The following MDGA2 variants were observed in gnomAD, a reference collection of about 807,000 sequenced individuals.
The protein encoded by MDGA2 is MAM domain containing glycosylphosphatidylinositol anchor 2, also known as MAM domain-containing glycosylphosphatidylinositol anchor protein 2.
Under a neutral mutation model 117.8 loss-of-function variants are expected in MDGA2, and 40 were observed. The observed-to-expected ratio is 0.34, with a 90% confidence interval of 0.26 to 0.44. The LOEUF is 0.44. Among genes scored for constraint, MDGA2 ranks in the 20% least tolerant of loss-of-function variants. The pLI is 1.00. For synonymous variants in MDGA2, 452 were observed against 439.0 expected, an observed-to-expected ratio of 1.03 and a Z score of -0.37; for missense variants, 1,123 against 1,250.6, an observed-to-expected ratio of 0.90 and a Z score of 1.54.
At chr14:47,029,827 TTTTG>T (rs1440862234) in intron 8 of MDGA2, among the ~76,000 whole-genome samples, 2 of 152,000 alleles carry the variant, frequency 1.3e-5, no homozygotes, top group Admixed American at 1.3e-4. Flanking sequence ...CCTGTTTTGT[TTTTG>T]TTTTTCTTTT....
chr14:47,223,973 G>C (rs1203643084), intron 2 of MDGA2, among the ~76,000 whole-genome samples: 1 of 152,088 alleles, frequency 6.6e-6, no homozygotes, highest in Non-Finnish European at 1.5e-5. Flanking sequence ...AGAACAGCAT[G>C]GGGGTAACCA....
chr14:47,661,562 A>C (rs1897846188), intron 1 of MDGA2, among the ~76,000 whole-genome samples: 1 of 152,192 alleles, frequency 6.6e-6, no homozygotes, highest in Non-Finnish European at 1.5e-5. Flanking sequence ...AAAGAATAAA[A>C]TACAACTTAA....
intron 8 of MDGA2, among the ~76,000 whole-genome samples, chr14:46,974,185 C>T (rs1418901212): frequency 6.6e-6 from 1 of 152,024 alleles, no homozygotes; most frequent in African/African-American, 2.4e-5. Flanking sequence ...AATTAAAGGA[C>T]ATGTGCAATG....
At chr14:47,251,018 T>C (rs139600970) in intron 2 of MDGA2, among the ~76,000 whole-genome samples, 1 of 152,224 alleles carries the variant, frequency 6.6e-6, no homozygotes, top group Non-Finnish European at 1.5e-5. Context: ...CTGTGGTCTA[T>C]TTTTCTTACC....
At chr14:47,068,780 T>G (rs1890173575) in intron 6 of MDGA2, among the ~76,000 whole-genome samples, 1 of 152,150 alleles carries the variant, frequency 6.6e-6, no homozygotes, top group Admixed American at 6.5e-5. Context: ...CTTTTGAAAA[T>G]AGTACATCCT....
At chr14:46,873,388 A>T (rs1266916096) in intron 14 of MDGA2, 45 bp downstream of exon 14, 1 of 1,506,226 alleles carries the variant, frequency 6.6e-7, no homozygotes, top group South Asian at 1.4e-5. Flanking sequence ...TTTTCTTCTT[A>T]GTTATCATTA....
intron 13 of MDGA2, 58 bp from the exon 14 acceptor site, chr14:46,873,649 C>T: frequency 6.9e-7 from 1 of 1,454,194 alleles, no homozygotes; most frequent in Non-Finnish European, 9.4e-7. Flanking sequence ...AATGAAATTT[C>T]AAATCACTGA....
chr14:46,857,876 C>T (rs1333724745), intron 14 of MDGA2, among the ~76,000 whole-genome samples: 1 of 151,734 alleles, frequency 6.6e-6, no homozygotes, highest in African/African-American at 2.4e-5. Flanking sequence ...GGTAGATCTC[C>T]AACTGAGTTC....
chr14:47,363,821 A>G (rs1594817998), intron 1 of MDGA2, among the ~76,000 whole-genome samples: 1 of 152,134 alleles, frequency 6.6e-6, no homozygotes, highest in Non-Finnish European at 1.5e-5. Context: ...AGAAAGAGAA[A>G]GCCAAAATAG....
intron 8 of MDGA2, among the ~76,000 whole-genome samples, chr14:47,031,211 A>AATAT (rs71448159): frequency 9.2e-4 from 125 of 136,160 alleles, no homozygotes; most frequent in Admixed American, 2.4e-3. Context: ...ATTATTTAGA[A>AATAT]ATATATATAT....
intron 10 of MDGA2, among the ~76,000 whole-genome samples, chr14:46,885,268 A>C (rs1882630079): frequency 1.3e-5 from 2 of 152,202 alleles, no homozygotes; most frequent in African/African-American, 2.4e-5. Context: ...ATTTGTTCTC[A>C]TCAGTATTCA....
intron 1 of MDGA2, among the ~76,000 whole-genome samples, chr14:47,418,611 C>T (rs1024600176): frequency 6.6e-6 from 1 of 152,110 alleles, no homozygotes; most frequent in Non-Finnish European, 1.5e-5. Flanking sequence ...GAAGCCCCAC[C>T]CCTTGTCAAA....
intron 8 of MDGA2, among the ~76,000 whole-genome samples, chr14:46,987,927 T>TGG (rs60295575): frequency 3.2e-5 from 3 of 93,628 alleles, no homozygotes; most frequent in East Asian, 4.1e-4. Context: ...TATTCTGGGG[T>TGG]GGGGGGGGGT....
intron 9 of MDGA2, among the ~76,000 whole-genome samples, chr14:46,939,477 T>C (rs1228062688): frequency 6.6e-6 from 1 of 152,186 alleles, no homozygotes; most frequent in Non-Finnish European, 1.5e-5. Flanking sequence ...TAAACCTGCT[T>C]CCAGTGTTCT....
chr14:47,424,148 C>G (rs868653403), intron 1 of MDGA2, among the ~76,000 whole-genome samples: 1 of 152,240 alleles, frequency 6.6e-6, no homozygotes, highest in East Asian at 1.9e-4. Context: ...CAGCTGGGCA[C>G]GGTAGCTCAC....
intron 8 of MDGA2, among the ~76,000 whole-genome samples, chr14:47,020,369 G>A (rs181766733): frequency 1.2e-3 from 189 of 152,090 alleles, no homozygotes; most frequent in Non-Finnish European, 2.1e-3. Flanking sequence ...CTACAATTTG[G>A]GACCAAACAT....
intron 1 of MDGA2, among the ~76,000 whole-genome samples, chr14:47,553,485 T>G (rs546721720): frequency 2.4e-4 from 37 of 152,318 alleles, no homozygotes; most frequent in African/African-American, 8.7e-4. Flanking sequence ...TTATTATTTA[T>G]TTAATGTTTA....
At chr14:46,927,040 G>C (rs1010828210) in intron 9 of MDGA2, among the ~76,000 whole-genome samples, 1 of 152,108 alleles carries the variant, frequency 6.6e-6, no homozygotes, top group African/African-American at 2.4e-5. Flanking sequence ...GAAAATGACT[G>C]TGAGTATCTC....
chr14:47,601,056 T>C lies in MDGA2; in HGVS notation c.280+73461A>G, dbSNP rs146965630. On this transcript the variant is annotated intron_variant, in intron 1 of 16. Transcript: ENST00000399232. ...TTCAGAAGTTTTTTAGAGTACAGGC[T>C]GACAAAATATTTTATATGAAGTCAA... Among the ~76,000 whole-genome samples, 481 of 152,334 alleles carry C rather than the reference T, an allele frequency of 3.2e-3. 2 individuals carry two copies. The highest frequency in any genetic ancestry group is 0.011 in the African/African-American group (454 of 41,588).
Sources: gnomAD v4.1 joint callset for allele counts (sites outside exome capture counted in the v4.1 genomes callset) on GRCh38, gnomAD v4.1.1 for gene constraint, MANE v1.5 for transcripts, NCBI Gene and HGNC (gene_info 2026-07-23, HGNC 2026-07-21) for gene names.